PTPRN2: variants seen among roughly 807,000 people sequenced by gnomAD.
The protein encoded by PTPRN2 is receptor-type tyrosine-protein phosphatase N2.
In PTPRN2, 74 loss-of-function variants were observed where a neutral mutation model predicts 118.8. That is an observed-to-expected ratio of 0.62 (90% confidence interval 0.52 to 0.76). The LOEUF (loss-of-function observed/expected upper bound fraction) is 0.76, where lower values mean the gene tolerates loss of function less well. PTPRN2 is among the 30% of genes least tolerant of loss of function. PTPRN2 has a pLI of 0.00. For synonymous variants in PTPRN2, 641 were observed against 608.0 expected, an observed-to-expected ratio of 1.05 and a Z score of -0.80; for missense variants, 1,481 against 1,394.4, an observed-to-expected ratio of 1.06 and a Z score of -0.99.
chr7:157,836,609 A>ACAC (rs1280488057), intron 12 of PTPRN2, among the ~76,000 whole-genome samples: 13 of 53,678 alleles, frequency 2.4e-4, no homozygotes, highest in African/African-American at 1.8e-3. Flanking sequence ...AAGCAAAATA[A>ACAC]AGACACACAC....
intron 9 of PTPRN2, among the ~76,000 whole-genome samples, chr7:158,129,603 ACACAT>A (rs771618136): frequency 6.6e-6 from 1 of 151,942 alleles, no homozygotes; most frequent in Non-Finnish European, 1.5e-5. Flanking sequence ...ATTACCACAC[ACACAT>A]CACATAACAC....
At chr7:157,918,033 A>C (rs899738924) in intron 11 of PTPRN2, among the ~76,000 whole-genome samples, 6 of 152,214 alleles carry the variant, frequency 3.9e-5, no homozygotes, top group African/African-American at 9.6e-5. Flanking sequence ...TTTCAGTCAC[A>C]GCCCTCAAAC....
In PTPRN2 at chr7:158,192,549, C is replaced by T. The variant is rs920249404; in HGVS notation, c.381-54G>A. ...ACCGCATGTTTGCTGGTGCCTGGAG[C>T]TGCTCTGTCCCCTGTGGTGCCTGGG... On this transcript the variant is annotated intron_variant, in intron 4 of 22. Coordinates refer to ENST00000389418, the MANE Select transcript of PTPRN2 (RefSeq NM_002847.5). 4.4e-5 allele frequency: 67 copies of T among 1,527,778 alleles called. No individual in the cohort carries two copies. The Admixed American group carries it at 5.6e-4, about 13-fold the overall frequency. The allele number at this position is 1,527,778 out of a possible 1,614,324, so 94.6% of individuals were successfully genotyped here.
chr7:158,551,183 C>T (rs893114229), intron 1 of PTPRN2, among the ~76,000 whole-genome samples: 4 of 152,248 alleles, frequency 2.6e-5, no homozygotes, highest in African/African-American at 9.6e-5. Context: ...CTGGTGAGGG[C>T]CCTATTCCCA....
chr7:157,943,000 C>G (rs184992165), intron 11 of PTPRN2, among the ~76,000 whole-genome samples: 79 of 152,330 alleles, frequency 5.2e-4, no homozygotes, highest in Non-Finnish European at 1.0e-3. Flanking sequence ...GAGCCGAGCT[C>G]TGTGATGGGC....
At chr7:157,824,596 C>G (rs1008365049) in intron 12 of PTPRN2, among the ~76,000 whole-genome samples, 14 of 152,298 alleles carry the variant, frequency 9.2e-5, no homozygotes, top group Middle Eastern at 3.4e-3. Flanking sequence ...CTGAGCCTCC[C>G]GCAAAATAGG....
At position 158,525,038 on chromosome 7, in the gene PTPRN2, A is replaced by G. The variant is rs1824663852; in HGVS notation, c.113-35253T>C. On this transcript the variant is annotated intron_variant, in intron 1 of 22. Coordinates refer to ENST00000389418, the MANE Select transcript of PTPRN2 (RefSeq NM_002847.5). This position sits in a 1 kb window ranked among gnomAD's most constrained non-coding sequence, Gnocchi z 4.1. ...CAGCAGCGGTCTCCTGCACCCTCCG[A>G]AAAGACAGCCCTTGGAAGACTGTGG... Among the ~76,000 whole-genome samples the G allele has an allele frequency of 6.6e-6, 1 of 152,050 alleles. No individual in the cohort carries two copies. Among genetic ancestry groups the G allele is most frequent in the African/African-American group, 2.4e-5 (1 of 41,400 alleles).
intron 2 of PTPRN2, among the ~76,000 whole-genome samples, chr7:158,432,229 G>A (rs1432340197): frequency 6.6e-6 from 1 of 152,158 alleles, no homozygotes; most frequent in Non-Finnish European, 1.5e-5. Flanking sequence ...GATCCTCAGG[G>A]GAACCACACA....
At chr7:158,273,648 TGGGAGGAGCCGCAGACAC>T (rs1200769286) in intron 3 of PTPRN2, among the ~76,000 whole-genome samples, 686 of 27,676 alleles carry the variant, frequency 0.025, 45 homozygotes, top group East Asian at 0.034. Context: ...CAGACAGACA[TGGGAGGAGCCGCAGACAC>T]GGGAGGAGCC....
chr7:158,292,641 T>C (rs755243088), intron 3 of PTPRN2, among the ~76,000 whole-genome samples: 1 of 152,238 alleles, frequency 6.6e-6, no homozygotes, highest in Non-Finnish European at 1.5e-5. Flanking sequence ...GGCTGGATGG[T>C]AAAGCCCATT....
At position 158,138,349 on chromosome 7, in the gene PTPRN2, C is replaced by A; in HGVS notation, c.1077G>T (p.Glu359Asp). The change falls in exon 7 of 23, where the codon GAG (glutamate) becomes GAT (aspartate). Residue 359 changes from glutamate (E) to aspartate (D), a missense_variant. Glu to Asp is a conservative substitution (Grantham distance 45). Coordinates refer to ENST00000389418, the MANE Select transcript of PTPRN2 (RefSeq NM_002847.5). ...RGSPGRAALG[E>D]SGEQADGPKA... The stretch of plus-strand genomic sequence containing the variant: ...TGGGGCCATCCGCCTGTTCTCCAGA[C>A]TCTCCCAGGGCCGCTCTCCCAGGGC... 6.2e-7 allele frequency: 1 copy of A among 1,613,756 alleles called. No individual in the cohort carries two copies. The highest frequency in any genetic ancestry group is 2.2e-5 in the East Asian group (1 of 44,854).
intron 2 of PTPRN2, among the ~76,000 whole-genome samples, chr7:158,446,380 C>G (rs1401607392): frequency 6.6e-6 from 1 of 152,240 alleles, no homozygotes; most frequent in Non-Finnish European, 1.5e-5. Flanking sequence ...TTGCTGTGGT[C>G]GGACCACGCT....
intron 11 of PTPRN2, among the ~76,000 whole-genome samples, chr7:158,045,642 T>G (rs1386028440): frequency 6.6e-6 from 1 of 152,176 alleles, no homozygotes; most frequent in Non-Finnish European, 1.5e-5. Context: ...GAACAGAGAG[T>G]GCAAAGGGCT....
chr7:158,550,152 G>A (rs116745809), intron 1 of PTPRN2, among the ~76,000 whole-genome samples: 2,052 of 152,314 alleles, frequency 0.013, 32 homozygotes, highest in African/African-American at 0.043. Context: ...ACCAGGCGTC[G>A]GGGTGGAGAT....
intron 14 of PTPRN2, among the ~76,000 whole-genome samples, chr7:157,628,577 G>A (rs1236707136): frequency 8.5e-5 from 13 of 152,218 alleles, no homozygotes; most frequent in Admixed American, 7.2e-4. Context: ...GGAGCCTTCC[G>A]GCAAGTCAGG....
Position 158,373,885 on chromosome 7 carries a change from T to C in PTPRN2, c.164-56953A>G, listed in dbSNP as rs1460713309. ...GGGAGGGCCCTCCCGTCTCTCTGCGTCTCAGCCTTTGCCAAGCCCAGCATT... is the reference window on the plus strand; with the variant it reads ...GGGAGGGCCCTCCCGTCTCTCTGCGCCTCAGCCTTTGCCAAGCCCAGCATT... On this transcript the variant is annotated intron_variant, in intron 2 of 22. Coordinates refer to ENST00000389418, the MANE Select transcript of PTPRN2 (RefSeq NM_002847.5). Among the ~76,000 whole-genome samples the C allele has an allele frequency of 3.9e-5, 6 of 152,336 alleles. No individual in the cohort carries two copies. The East Asian group carries it at 1.2e-3, about 29-fold the overall frequency.
chr7:157,556,684 TAC>T (rs1167831986), intron 21 of PTPRN2, among the ~76,000 whole-genome samples: 5 of 137,528 alleles, frequency 3.6e-5, no homozygotes, highest in Admixed American at 7.3e-5. Flanking sequence ...ACATGTCACA[TAC>T]ACACATGCCC....
At chr7:158,333,524 A>C (rs1319520314) in intron 2 of PTPRN2, among the ~76,000 whole-genome samples, 7 of 148,770 alleles carry the variant, frequency 4.7e-5, no homozygotes, top group Non-Finnish European at 1.0e-4. Flanking sequence ...TCACCATAAG[A>C]CCTGACACTC....
intron 3 of PTPRN2, among the ~76,000 whole-genome samples, chr7:158,298,186 G>C (rs552840819): frequency 1.9e-4 from 29 of 152,092 alleles, no homozygotes; most frequent in Non-Finnish European, 3.2e-4. Context: ...TTGTGTTCTT[G>C]ATGCTTGCCC....
Sources: gnomAD v4.1 joint callset for allele counts (sites outside exome capture counted in the v4.1 genomes callset) on GRCh38, gnomAD v4.1.1 for gene constraint, Gnocchi (gnomAD v3.1) non-coding constraint, MANE v1.5 for transcripts, NCBI Gene and HGNC (gene_info 2026-07-23, HGNC 2026-07-21) for gene names.